Variants in GRID2 observed in about 807,000 individuals in gnomAD.
The protein encoded by GRID2 is glutamate receptor ionotropic, delta-2.
In GRID2, 33 loss-of-function variants were observed where a neutral mutation model predicts 114.8. The observed-to-expected ratio is 0.29, with a 90% CI of 0.22 to 0.38. The LOEUF is 0.38. Ranked by LOEUF, GRID2 falls within the 10% of genes least tolerant of loss-of-function variation. GRID2 has a pLI of 1.00. For missense variants in GRID2, 1,184 were observed against 1,257.7 expected (o/e 0.94, Z 0.89); for synonymous variants, 505 against 449.9 (o/e 1.12, Z -1.55).
chr4:93,350,791 A>G (rs1373072109), intron 8 of GRID2, among the ~76,000 whole-genome samples: 1 of 152,116 alleles, frequency 6.6e-6, no homozygotes, highest in Non-Finnish European at 1.5e-5. Flanking sequence ...TGTTGAAATA[A>G]TTGTAACCTT....
intron 4 of GRID2, among the ~76,000 whole-genome samples, chr4:93,163,258 A>G (rs1166694167): frequency 6.7e-6 from 1 of 150,370 alleles, no homozygotes; most frequent in Non-Finnish European, 1.5e-5. Context: ...TTAATCTAAG[A>G]ACATTATGGA....
chr4:92,375,564 T>C (rs1265891284), intron 1 of GRID2, among the ~76,000 whole-genome samples: 2 of 152,196 alleles, frequency 1.3e-5, no homozygotes, highest in Non-Finnish European at 2.9e-5. Flanking sequence ...CTTAACTATC[T>C]GCATAAATAA....
intron 2 of GRID2, among the ~76,000 whole-genome samples, chr4:92,656,813 G>A (rs549030527): frequency 1.1e-4 from 16 of 151,646 alleles, no homozygotes; most frequent in Non-Finnish European, 1.8e-4. Flanking sequence ...ACATTTTTTA[G>A]CAATTAGAGT....
intron 1 of GRID2, among the ~76,000 whole-genome samples, chr4:92,378,062 A>G (rs2110231471): frequency 6.6e-6 from 1 of 152,200 alleles, no homozygotes; most frequent in South Asian, 2.1e-4. Flanking sequence ...TAGATCATAT[A>G]ATTTTAGAGC....
At chr4:93,730,716 G>A (rs1386719203) in intron 14 of GRID2, among the ~76,000 whole-genome samples, 2 of 152,210 alleles carry the variant, frequency 1.3e-5, no homozygotes, top group African/African-American at 4.8e-5. Flanking sequence ...AAAGAGCCAG[G>A]AGTGGAAAAG....
intron 14 of GRID2, among the ~76,000 whole-genome samples, chr4:93,700,533 A>G (rs949533733): frequency 4.6e-5 from 7 of 152,152 alleles, no homozygotes; most frequent in African/African-American, 1.7e-4. Context: ...TTTTCAGGGT[A>G]TATTAACAAT....
chr4:92,785,468 A>G (rs1739273603), intron 2 of GRID2, among the ~76,000 whole-genome samples: 1 of 151,192 alleles, frequency 6.6e-6, no homozygotes, highest in Non-Finnish European at 1.5e-5. Flanking sequence ...AAATGAGGAG[A>G]AAAAAAATAT....
chr4:92,944,228 A>G (rs1325974827), intron 2 of GRID2, among the ~76,000 whole-genome samples: 1 of 152,006 alleles, frequency 6.6e-6, no homozygotes, highest in Non-Finnish European at 1.5e-5. Flanking sequence ...GGTGGGCTCC[A>G]CCCAATTTTG....
chr4:93,505,958 T>A (rs1728584798), intron 12 of GRID2, among the ~76,000 whole-genome samples: 1 of 152,144 alleles, frequency 6.6e-6, no homozygotes, highest in Non-Finnish European at 1.5e-5. Context: ...ACACCATCAT[T>A]TCACAGAGAG....
intron 1 of GRID2, among the ~76,000 whole-genome samples, chr4:92,525,004 G>T (rs1724975366): frequency 6.6e-6 from 1 of 151,912 alleles, no homozygotes; most frequent in Non-Finnish European, 1.5e-5. Context: ...TAGGAATACA[G>T]ATGAATAATG....
At chr4:92,370,434 G>A (rs968792165) in intron 1 of GRID2, among the ~76,000 whole-genome samples, 31 of 152,054 alleles carry the variant, frequency 2.0e-4, no homozygotes, top group African/African-American at 3.4e-4. Flanking sequence ...GGCGGATCAC[G>A]AGGTCAGGAG....
At chr4:93,122,673 T>C (rs1241715390) in intron 4 of GRID2, among the ~76,000 whole-genome samples, 1 of 151,840 alleles carries the variant, frequency 6.6e-6, no homozygotes, top group Non-Finnish European at 1.5e-5. Context: ...CATATAAATA[T>C]AGTTTTTACA....
intron 8 of GRID2, among the ~76,000 whole-genome samples, chr4:93,392,672 A>G (rs1764967319): frequency 6.6e-6 from 1 of 152,050 alleles, no homozygotes; most frequent in Admixed American, 6.6e-5. Context: ...GAATCCCTTG[A>G]GCCCAGGAGT....
intron 7 of GRID2, among the ~76,000 whole-genome samples, chr4:93,227,420 G>A (rs1745617750): frequency 6.6e-6 from 1 of 151,864 alleles, no homozygotes; most frequent in African/African-American, 2.4e-5. Flanking sequence ...GTAGAGACGG[G>A]GTTTCATCAT....
rs549370317 is a variant in GRID2 at position 93,340,729 on chromosome 4, C to G, written c.1246-54878C>G. On this transcript the variant is annotated intron_variant, in intron 8 of 15. Coordinates refer to ENST00000282020, the MANE Select transcript of GRID2 (RefSeq NM_001510.4). ...TATTAAGCTGGAGTCACCTAATGTCCCGAAGATGAAAGAGTTTGTCTTAGG... is the reference window on the plus strand; with the variant it reads ...TATTAAGCTGGAGTCACCTAATGTCGCGAAGATGAAAGAGTTTGTCTTAGG... Among the ~76,000 whole-genome samples the G allele has an allele frequency of 5.3e-5, 8 of 152,172 alleles. No homozygotes were observed. The East Asian group carries it at 1.4e-3, about 26-fold the overall frequency.
At chr4:92,982,072 C>T (rs1204703863) in intron 2 of GRID2, among the ~76,000 whole-genome samples, 2 of 145,098 alleles carry the variant, frequency 1.4e-5, no homozygotes. Context: ...AAAGGTGACT[C>T]AGGAATCAAC....
rs1176260564 is a variant in GRID2, at chr4:93,077,341, T to G, written c.245-7654T>G. On this transcript the variant is annotated intron_variant, in intron 2 of 15. Coordinates refer to ENST00000282020, the MANE Select transcript of GRID2 (RefSeq NM_001510.4). The stretch of plus-strand genomic sequence containing the variant: ...ACTGAGAAAGCAATGTAAAATATTA[T>G]TTTGTCATTCTCTATCTTTCTCTTA... Among the ~76,000 whole-genome samples the G allele has an allele frequency of 2.6e-5, 4 of 152,172 alleles. No individual in the cohort carries two copies. In the East Asian group the frequency reaches 7.7e-4, roughly 29 times the overall value.
intron 9 of GRID2, among the ~76,000 whole-genome samples, chr4:93,414,753 A>G (rs1015765133): frequency 4.7e-5 from 7 of 149,298 alleles, no homozygotes; most frequent in Non-Finnish European, 1.0e-4. Context: ...ATGTAGGTCT[A>G]GAAGAATAGA....
intron 9 of GRID2, among the ~76,000 whole-genome samples, chr4:93,414,184 A>C (rs1767480293): frequency 6.6e-6 from 1 of 152,166 alleles, no homozygotes. Context: ...ATGTCTTATT[A>C]AATCCATTTT....
Sources: gnomAD v4.1 joint callset for allele counts (sites outside exome capture counted in the v4.1 genomes callset) on GRCh38, gnomAD v4.1.1 for gene constraint, MANE v1.5 for transcripts, NCBI Gene and HGNC (gene_info 2026-07-23, HGNC 2026-07-21) for gene names.